The following GALNT10 variants were observed in gnomAD, a reference collection of about 807,000 sequenced individuals.
The protein encoded by GALNT10 is polypeptide N-acetylgalactosaminyltransferase 10.
In GALNT10, 41 loss-of-function variants were observed where a neutral mutation model predicts 75.0. The ratio of observed to expected loss-of-function variants is 0.55; its 90% CI spans 0.43 to 0.71. The LOEUF is 0.71. Ranked by LOEUF, GALNT10 falls within the 30% of genes least tolerant of loss-of-function variation. The pLI is 0.00. For missense variants in GALNT10, 727 were observed against 818.5 expected (o/e 0.89, Z 1.36); for synonymous variants, 302 against 313.0 (o/e 0.96, Z 0.37).
Position 154,317,163 on chromosome 5 carries a change from C to A in GALNT10, c.402-12409C>A, listed in dbSNP as rs1754605258. ...TCAGGATTTGAACCCAGGTCCAGAG[C>A]ATTCTTGCTCCCTTAGGCACATACA... is the stretch of plus-strand genomic sequence containing the variant. On this transcript the variant is annotated intron_variant, in intron 3 of 11. Transcript: ENST00000297107. 2.0e-5 allele frequency among the ~76,000 whole-genome samples: 3 copies of A among 152,168 alleles called. No individual in the cohort carries two copies. In the South Asian group the frequency reaches 6.2e-4, roughly 31 times the overall value.
chr5:154,271,660 T>C (rs1322660297), intron 1 of GALNT10, among the ~76,000 whole-genome samples: 1 of 152,200 alleles, frequency 6.6e-6, no homozygotes, highest in Non-Finnish European at 1.5e-5. Flanking sequence ...CTTTTGAGCC[T>C]TGACATATTT....
In GALNT10 at chr5:154,416,825, G is replaced by A. The variant is rs537017226; in HGVS notation, c.1665G>A (p.Leu555=). ...TCCATGTTTTGTAGGACAAGACCCT[G>A]TACCACCCTGTCAGTGGCAGCTGCA... ...QLWKYRKDKT[L]YHPVSGSCMD... Residue 555 remains leucine (L), a synonymous_variant, in exon 12 of 12, where the codon CTG becomes CTA. Transcript: ENST00000297107. The surrounding 1 kb of genome is among the most constrained non-coding windows in gnomAD (Gnocchi z 4.5). 2.4e-5 allele frequency: 39 copies of A among 1,613,246 alleles called. No homozygotes were observed. The highest frequency in any genetic ancestry group is 3.1e-5 in the Non-Finnish European group (37 of 1,179,146).
At position 154,352,062 on chromosome 5, in the gene GALNT10, T is replaced by C. The variant is rs1755211702; in HGVS notation, c.568+22324T>C. Among the ~76,000 whole-genome samples the C allele has an allele frequency of 6.6e-6, 1 of 152,210 alleles. No homozygotes were observed. ...GCCGTGTACAGGGATGCACAGCCAG[T>C]TGATGATTCCAAAGCCCATTGATTC... is the stretch of plus-strand genomic sequence containing the variant. On this transcript the variant is annotated intron_variant, in intron 4 of 11. Transcript: ENST00000297107. The surrounding 1 kb of genome is among the most constrained non-coding windows in gnomAD (Gnocchi z 4.4).
chr5:154,414,939 C>T (rs1436181046), intron 10 of GALNT10, among the ~76,000 whole-genome samples: 3 of 152,116 alleles, frequency 2.0e-5, no homozygotes, highest in Admixed American at 1.3e-4. Flanking sequence ...GCCTGACCAA[C>T]GTGGTGAAAC....
chr5:154,344,502 G>A (rs143890686), intron 4 of GALNT10, among the ~76,000 whole-genome samples: 4 of 152,156 alleles, frequency 2.6e-5, no homozygotes, highest in East Asian at 3.9e-4. Flanking sequence ...GAGCCACTGC[G>A]CCTGGCCAAT....
chr5:154,355,848 T>A (rs1755282526), intron 4 of GALNT10, among the ~76,000 whole-genome samples: 1 of 152,190 alleles, frequency 6.6e-6, no homozygotes, highest in African/African-American at 2.4e-5. Flanking sequence ...TCAGGAAGGA[T>A]ACATGAGTAG....
intron 4 of GALNT10, among the ~76,000 whole-genome samples, chr5:154,334,930 T>C (rs1297789798): frequency 1.3e-5 from 2 of 152,184 alleles, no homozygotes; most frequent in Non-Finnish European, 2.9e-5. Context: ...TGACCTGCAC[T>C]CTCACACCAT....
intron 4 of GALNT10, among the ~76,000 whole-genome samples, chr5:154,363,307 C>A (rs899762205): frequency 2.0e-5 from 3 of 151,474 alleles, no homozygotes; most frequent in African/African-American, 4.9e-5. Context: ...TTCAAAAATG[C>A]ATCATATTTA....
intron 4 of GALNT10, among the ~76,000 whole-genome samples, chr5:154,371,264 G>A (rs1561674241): frequency 6.6e-6 from 1 of 152,092 alleles, no homozygotes; most frequent in Non-Finnish European, 1.5e-5. Context: ...CATTGGATGA[G>A]TGCCCACCCT....
chr5:154,325,956 T>G (rs1754749596), intron 3 of GALNT10, among the ~76,000 whole-genome samples: 1 of 152,308 alleles, frequency 6.6e-6, no homozygotes, highest in East Asian at 1.9e-4. Context: ...GACATTATCT[T>G]GTACCTAAGA....
At chr5:154,330,792 C>T (rs868345220) in intron 4 of GALNT10, among the ~76,000 whole-genome samples, 1 of 152,290 alleles carries the variant, frequency 6.6e-6, no homozygotes. Flanking sequence ...TATGCGTGCA[C>T]TCCAGAATAA....
intron 7 of GALNT10, among the ~76,000 whole-genome samples, chr5:154,393,947 G>A (rs1356181533): frequency 6.6e-6 from 1 of 152,194 alleles, no homozygotes; most frequent in African/African-American, 2.4e-5. Flanking sequence ...TGCAAGCTCT[G>A]AGATGAGATT....
intron 1 of GALNT10, among the ~76,000 whole-genome samples, chr5:154,238,112 G>T (rs779923306): frequency 3.3e-5 from 5 of 152,158 alleles, no homozygotes; most frequent in Non-Finnish European, 7.3e-5. Flanking sequence ...GGCATTTGGG[G>T]TCTAGAAGGC....
At position 154,376,930 on chromosome 5, in the gene GALNT10, G is replaced by A. The variant is rs1755659159; in HGVS notation, c.754+468G>A. Among the ~76,000 whole-genome samples, 1 of 152,184 alleles carries A rather than the reference G, an allele frequency of 6.6e-6. No individual in the cohort carries two copies. Among genetic ancestry groups the A allele is most frequent in the Admixed American group, 6.5e-5 (1 of 15,286 alleles). On this transcript the variant is annotated intron_variant, in intron 5 of 11. Coordinates refer to ENST00000297107, the MANE Select transcript of GALNT10 (RefSeq NM_198321.4). This position sits in a 1 kb window ranked among gnomAD's most constrained non-coding sequence, Gnocchi z 4.1. ...TGCAGGTCAAAAGTATACCCCTTAT[G>A]TAGTAAAACAAACTAAGATTCTGAG...
intron 1 of GALNT10, among the ~76,000 whole-genome samples, chr5:154,291,726 T>TCCAGGG (rs1754198165): frequency 6.6e-6 from 1 of 152,224 alleles, no homozygotes; most frequent in Non-Finnish European, 1.5e-5. Context: ...TCCCATGTCC[T>TCCAGGG]CCAGGGCTTC....
chr5:154,297,801 TGA>T (rs1491451750), intron 2 of GALNT10, 138 bp from the exon 3 acceptor site: 507,060 of 670,710 alleles, frequency 0.76, 192,606 homozygotes, highest in Admixed American at 0.85. Context: ...CTCTTTGTAC[TGA>T]GCAAAAACTG....
At chr5:154,256,821 C>A (rs1252506872) in intron 1 of GALNT10, among the ~76,000 whole-genome samples, 3 of 152,136 alleles carry the variant, frequency 2.0e-5, no homozygotes, top group Non-Finnish European at 4.4e-5. Context: ...GCTCTCCCAA[C>A]AGTGCATGCA....
intron 7 of GALNT10, among the ~76,000 whole-genome samples, chr5:154,399,908 C>T (rs1376457667): frequency 1.3e-5 from 2 of 152,030 alleles, no homozygotes; most frequent in Admixed American, 6.6e-5. Context: ...TTTGGGAGGT[C>T]AAGGTGGGAG....
rs142180544 is a variant in GALNT10 at position 154,200,289 on chromosome 5, C to T, written c.159+9264C>T. Among the ~76,000 whole-genome samples, 440 of 152,276 alleles carry T rather than the reference C, an allele frequency of 2.9e-3. 1 individual carries two copies. Among genetic ancestry groups the T allele is most frequent in the Middle Eastern group, 0.014 (4 of 294 alleles). On this transcript the variant is annotated intron_variant, in intron 1 of 11. Coordinates refer to ENST00000297107, the MANE Select transcript of GALNT10 (RefSeq NM_198321.4). ...CGGGCAGCCTCTCACGAGCCCAGTT[C>T]GCCAGGGTTCTGTGTGTGTGTGTTT...
Sources: allele counts gnomAD v4.1 joint callset (sites outside exome capture counted in the v4.1 genomes callset), GRCh38; gene constraint gnomAD v4.1.1; non-coding constraint Gnocchi (gnomAD v3.1); transcripts MANE v1.5; gene names NCBI Gene and HGNC (gene_info 2026-07-23, HGNC 2026-07-21).